EYS: variants seen among roughly 807,000 people sequenced by gnomAD.
EYS encodes the protein protein eyes shut homolog.
EYS carries 250 observed loss-of-function variants against 282.1 expected under a neutral mutation model. The ratio of observed to expected loss-of-function variants is 0.89; its 90% CI spans 0.80 to 0.98. The LOEUF (loss-of-function observed/expected upper bound fraction) is 0.98, where lower values mean the gene tolerates loss of function less well. EYS is among the 50% of genes least tolerant of loss of function. EYS has a pLI of 0.00. For missense variants in EYS, 4,016 were observed against 3,709.0 expected, an observed-to-expected ratio of 1.08 and a Z score of -2.15; for synonymous variants, 1,355 against 1,282.9, an observed-to-expected ratio of 1.06 and a Z score of -1.20.
intron 30 of EYS, among the ~76,000 whole-genome samples, chr6:64,272,634 A>G: frequency 6.6e-6 from 1 of 152,164 alleles, no homozygotes; most frequent in East Asian, 1.9e-4. Context: ...GTTTCTGCAG[A>G]GAGATCCACT....
chr6:64,371,454 T>A (rs1772369460), intron 29 of EYS, among the ~76,000 whole-genome samples: 1 of 152,104 alleles, frequency 6.6e-6, no homozygotes, highest in Non-Finnish European at 1.5e-5. Flanking sequence ...TTTTAGCGTA[T>A]GTGGCATGTG....
At chr6:64,494,265 A>G (rs1030669387) in intron 26 of EYS, among the ~76,000 whole-genome samples, 2 of 151,666 alleles carry the variant, frequency 1.3e-5, no homozygotes, top group Non-Finnish European at 3.0e-5. Flanking sequence ...GTTATTTTTA[A>G]TGCAATCTGA....
At chr6:64,840,858 G>C (rs1215711070) in intron 19 of EYS, among the ~76,000 whole-genome samples, 10 of 152,012 alleles carry the variant, frequency 6.6e-5, no homozygotes, top group Non-Finnish European at 1.3e-4. Context: ...TTAATTAAAA[G>C]TAAATTGAAT....
At chr6:65,135,544 G>T (rs1410909037) in intron 12 of EYS, among the ~76,000 whole-genome samples, 1 of 151,888 alleles carries the variant, frequency 6.6e-6, no homozygotes, top group Non-Finnish European at 1.5e-5. Context: ...ATTTAAAATA[G>T]ATATAAATAT....
intron 35 of EYS, among the ~76,000 whole-genome samples, chr6:63,977,989 T>C (rs1028563182): frequency 6.6e-6 from 1 of 152,042 alleles, no homozygotes; most frequent in East Asian, 1.9e-4. Context: ...TTTTAATTGG[T>C]GTAGTCTGAA....
intron 35 of EYS, among the ~76,000 whole-genome samples, chr6:63,923,497 A>G (rs1169860440): frequency 6.6e-6 from 1 of 152,204 alleles, no homozygotes; most frequent in Admixed American, 6.5e-5. Flanking sequence ...AACACTGCCT[A>G]CTTAAGCCTT....
At chr6:65,556,387 T>TTGTGTG (rs10602177) in intron 2 of EYS, among the ~76,000 whole-genome samples, 2,290 of 148,900 alleles carry the variant, frequency 0.015, 26 homozygotes, top group East Asian at 0.022. Context: ...ACTGCTGGGT[T>TTGTGTG]TGTGTGTGTG....
intron 22 of EYS, among the ~76,000 whole-genome samples, chr6:64,649,423 G>A (rs982809184): frequency 3.3e-5 from 5 of 151,570 alleles, no homozygotes; most frequent in South Asian, 2.1e-4. Context: ...TGCAACCTCC[G>A]CCTTCCAGGG....
intron 29 of EYS, among the ~76,000 whole-genome samples, chr6:64,344,640 A>ACTTTTT (rs1771295329): frequency 6.6e-6 from 1 of 152,176 alleles, no homozygotes; most frequent in African/African-American, 2.4e-5. Flanking sequence ...AACTGGCACA[A>ACTTTTT]GACGGGGATG....
At chr6:65,311,933 C>T (rs1769171369) in intron 11 of EYS, among the ~76,000 whole-genome samples, 1 of 152,068 alleles carries the variant, frequency 6.6e-6, no homozygotes, top group Non-Finnish European at 1.5e-5. Flanking sequence ...TGTAGGGGTA[C>T]CGTTTTGCTA....
rs867579271 is a variant in EYS, at chr6:64,361,204, A to T, written c.6078+27486T>A. Among the ~76,000 whole-genome samples, 5 of 87,726 alleles carry T rather than the reference A, an allele frequency of 5.7e-5. No individual in the cohort carries two copies. In the Middle Eastern group the frequency reaches 0.015, roughly 263 times the overall value. 57.6% of individuals were successfully genotyped at this position (87,726 alleles called of 152,430 possible). A position where few individuals can be genotyped will look rare whatever the true frequency, so the allele number is the denominator to read the frequency against. On this transcript the variant is annotated intron_variant, in intron 29 of 42. Transcript: ENST00000503581. Reference sequence around the variant, plus strand: ...AACTTTTCTTTATGATTTAATCAGAAAATATGGTTTTTTTTTGTGCCTACT... The same window carrying T: ...AACTTTTCTTTATGATTTAATCAGATAATATGGTTTTTTTTTGTGCCTACT...
chr6:65,180,894 A>C (rs1338336422), intron 12 of EYS, among the ~76,000 whole-genome samples: 2 of 152,166 alleles, frequency 1.3e-5, no homozygotes, highest in Non-Finnish European at 2.9e-5. Context: ...GCCCTCATAA[A>C]TAATGCTGCA....
At position 65,467,410 on chromosome 6, in the gene EYS, C is replaced by T. The variant is rs1299705694; in HGVS notation, c.862+23184G>A. Among the ~76,000 whole-genome samples, 7 of 151,860 alleles carry T rather than the reference C, an allele frequency of 4.6e-5. No individual in the cohort carries two copies. The South Asian group carries it at 8.3e-4, about 18-fold the overall frequency. On this transcript the variant is annotated intron_variant, in intron 5 of 42. Coordinates refer to ENST00000503581, the MANE Select transcript of EYS (RefSeq NM_001142800.2). Reference sequence around the variant, plus strand: ...CAAGATTGATGCCCAACATTCAATGCCATTTCCTTACCAAAAGACTAACAG... The same window carrying T: ...CAAGATTGATGCCCAACATTCAATGTCATTTCCTTACCAAAAGACTAACAG...
chr6:64,026,789 A>C (rs1022259322), intron 33 of EYS, among the ~76,000 whole-genome samples: 1 of 151,632 alleles, frequency 6.6e-6, no homozygotes, highest in African/African-American at 2.4e-5. Flanking sequence ...GTACCACAAA[A>C]CCCCCTAGGC....
intron 29 of EYS, among the ~76,000 whole-genome samples, chr6:64,344,638 C>T (rs1034718142): frequency 3.9e-5 from 6 of 152,184 alleles, no homozygotes; most frequent in Non-Finnish European, 2.9e-5. Context: ...AAAACTGGCA[C>T]AAGACGGGGA....
At chr6:64,501,423 T>C (rs1010239434) in intron 26 of EYS, among the ~76,000 whole-genome samples, 2 of 152,102 alleles carry the variant, frequency 1.3e-5, no homozygotes, top group African/African-American at 4.8e-5. Context: ...CCATATTTTA[T>C]ACTATTTTAA....
intron 22 of EYS, among the ~76,000 whole-genome samples, chr6:64,677,110 GC>G (rs1769716606): frequency 6.6e-6 from 1 of 152,010 alleles, no homozygotes; most frequent in Non-Finnish European, 1.5e-5. Flanking sequence ...TCTCCATGCT[GC>G]CTAGGCCATT....
chr6:65,687,231 C>T (rs985666470), intron 1 of EYS, among the ~76,000 whole-genome samples: 2 of 151,834 alleles, frequency 1.3e-5, no homozygotes, highest in Non-Finnish European at 2.9e-5. Flanking sequence ...AAGAATACAG[C>T]AGTATTTGAA....
At chr6:65,416,448 C>A (rs1430506803) in intron 5 of EYS, among the ~76,000 whole-genome samples, 2 of 151,908 alleles carry the variant, frequency 1.3e-5, no homozygotes, top group Admixed American at 6.6e-5. Flanking sequence ...ACAGACATAA[C>A]CCAAATAATT....
Sources: allele counts gnomAD v4.1 joint callset (sites outside exome capture counted in the v4.1 genomes callset), GRCh38; gene constraint gnomAD v4.1.1; transcripts MANE v1.5; gene names NCBI Gene and HGNC (gene_info 2026-07-23, HGNC 2026-07-21).